Variants in CSMD1 observed in about 807,000 individuals in gnomAD.
The protein encoded by CSMD1 is CUB and Sushi multiple domains 1, also known as CUB and sushi domain-containing protein 1.
Under a neutral mutation model 417.5 loss-of-function variants are expected in CSMD1, and 213 were observed. The ratio of observed to expected loss-of-function variants is 0.51; its 90% CI spans 0.46 to 0.57. The LOEUF is 0.57. Ranked by LOEUF, CSMD1 falls within the 20% of genes least tolerant of loss-of-function variation. The pLI is 0.00. For missense variants in CSMD1, 6,923 were observed against 4,529.7 expected, an observed-to-expected ratio of 1.53 and a Z score of -15.17; for synonymous variants, 2,862 against 1,736.8, an observed-to-expected ratio of 1.65 and a Z score of -16.11.
chr8:4,304,090 G>C (rs1478683091), intron 3 of CSMD1, among the ~76,000 whole-genome samples: 1 of 152,204 alleles, frequency 6.6e-6, no homozygotes, highest in East Asian at 1.9e-4. Flanking sequence ...AAATACCATT[G>C]TGTTGTCTTA....
intron 4 of CSMD1, among the ~76,000 whole-genome samples, chr8:4,022,656 G>C (rs1407489493): frequency 6.6e-6 from 1 of 152,144 alleles, no homozygotes; most frequent in Non-Finnish European, 1.5e-5. Flanking sequence ...AGCGCTCAGG[G>C]AGAGAAATGT....
chr8:3,904,596 T>C lies in CSMD1; in HGVS notation c.818+93307A>G, dbSNP rs533752021. Reference sequence around the variant, plus strand: ...TGGGAATTAAATTATCTCAAATATATTTTTTATTTCCTTTTTCTCTTTCTT... The same window carrying C: ...TGGGAATTAAATTATCTCAAATATACTTTTTATTTCCTTTTTCTCTTTCTT... On this transcript the variant is annotated intron_variant, in intron 5 of 69. Transcript: ENST00000635120. 2.0e-5 allele frequency among the ~76,000 whole-genome samples: 3 copies of C among 152,106 alleles called. No homozygotes were observed. The South Asian group carries it at 6.2e-4, about 32-fold the overall frequency.
chr8:3,535,593 ATAACT>A (rs899928502), intron 10 of CSMD1, among the ~76,000 whole-genome samples: 1 of 152,154 alleles, frequency 6.6e-6, no homozygotes, highest in Non-Finnish European at 1.5e-5. Flanking sequence ...TTAATGAGAA[ATAACT>A]TAATGGGTAT....
chr8:4,520,130 A>C (rs1803359346), intron 2 of CSMD1, among the ~76,000 whole-genome samples: 2 of 152,184 alleles, frequency 1.3e-5, no homozygotes, highest in Non-Finnish European at 2.9e-5. Flanking sequence ...CATTCATCTG[A>C]AAGAGCAAAG....
At chr8:4,842,703 G>T (rs1228525272) in intron 1 of CSMD1, among the ~76,000 whole-genome samples, 1 of 152,202 alleles carries the variant, frequency 6.6e-6, no homozygotes, top group Non-Finnish European at 1.5e-5. Flanking sequence ...ATTATTATGA[G>T]CTAGATGCTA....
intron 3 of CSMD1, among the ~76,000 whole-genome samples, chr8:4,284,367 C>A (rs1049202203): frequency 2.2e-5 from 3 of 137,194 alleles, no homozygotes; most frequent in African/African-American, 5.3e-5. Context: ...AAACTACAAC[C>A]CCCCCCACCC....
intron 5 of CSMD1, among the ~76,000 whole-genome samples, chr8:3,804,853 C>A (rs1800641053): frequency 6.6e-6 from 1 of 152,104 alleles, no homozygotes; most frequent in South Asian, 2.1e-4. Flanking sequence ...GGTAGGTTTT[C>A]TTTCCTGTTA....
intron 3 of CSMD1, among the ~76,000 whole-genome samples, chr8:4,312,793 G>A (rs899492265): frequency 6.6e-6 from 1 of 152,132 alleles, no homozygotes; most frequent in South Asian, 2.1e-4. Context: ...ATAATTGCTT[G>A]AACCAGGGTG....
At chr8:3,002,190 G>T (rs560294830) in intron 52 of CSMD1, among the ~76,000 whole-genome samples, 2 of 152,296 alleles carry the variant, frequency 1.3e-5, no homozygotes, top group African/African-American at 4.8e-5. Context: ...AGCGGAGAAC[G>T]TCGATGAGGG....
intron 3 of CSMD1, among the ~76,000 whole-genome samples, chr8:4,309,796 C>T (rs745321575): frequency 2.0e-5 from 3 of 152,142 alleles, no homozygotes; most frequent in Non-Finnish European, 4.4e-5. Flanking sequence ...AACCTCACCT[C>T]CATATAGGTC....
intron 1 of CSMD1, among the ~76,000 whole-genome samples, chr8:4,780,318 T>G (rs576712017): frequency 6.6e-6 from 1 of 152,232 alleles, no homozygotes; most frequent in African/African-American, 2.4e-5. Context: ...AATGGGGCTT[T>G]GGCTCTACTG....
chr8:4,479,833 G>C (rs117326318), intron 2 of CSMD1, among the ~76,000 whole-genome samples: 10,427 of 151,824 alleles, frequency 0.069, 472 homozygotes, highest in Non-Finnish European at 0.099. Context: ...GCGTGGTGGC[G>C]CCCACTCCTT....
intron 49 of CSMD1, among the ~76,000 whole-genome samples, chr8:3,083,636 ATATATATATATATTTTTTTTTTT>A: frequency 3.7e-4 from 8 of 21,514 alleles, no homozygotes; most frequent in Non-Finnish European, 5.7e-4. Flanking sequence ...ATATATATAT[ATATATATATATATTTTTTTTTTT>A]TTTTTTTTTT....
At chr8:4,648,303 G>A (rs372959493) in intron 1 of CSMD1, among the ~76,000 whole-genome samples, 1 of 151,918 alleles carries the variant, frequency 6.6e-6, no homozygotes, top group South Asian at 2.1e-4. Context: ...TGTTTATCTT[G>A]TTCCTGCTTC....
intron 1 of CSMD1, among the ~76,000 whole-genome samples, chr8:4,843,202 G>C (rs1431929794): frequency 6.6e-6 from 1 of 152,126 alleles, no homozygotes; most frequent in Non-Finnish European, 1.5e-5. Context: ...ATTGATTATA[G>C]ATGGAACAGG....
rs778156673 is a variant in CSMD1 at position 2,962,655 on chromosome 8, A to G, written c.9455-16T>C. Reference sequence around the variant, plus strand: ...CAGAACACAGCTATGGAAGATAACCAGGAAGAAGTCAGCCTTCAACGTCCC... The same window carrying G: ...CAGAACACAGCTATGGAAGATAACCGGGAAGAAGTCAGCCTTCAACGTCCC... On this transcript the variant is annotated splice_polypyrimidine_tract_variant and intron_variant, in intron 60 of 69. Coordinates refer to ENST00000635120, the MANE Select transcript of CSMD1 (RefSeq NM_033225.6). 33 of 1,610,756 alleles carry G rather than the reference A, an allele frequency of 2.0e-5. No homozygotes were observed. The African/African-American group carries it at 3.5e-4, about 17-fold the overall frequency.
intron 3 of CSMD1, among the ~76,000 whole-genome samples, chr8:4,275,443 G>C (rs1479727162): frequency 1.3e-5 from 2 of 152,004 alleles, no homozygotes; most frequent in Admixed American, 6.6e-5. Context: ...ATGATACTAT[G>C]GCCTTTATTT....
At chr8:4,322,863 T>C (rs1799346573) in intron 3 of CSMD1, among the ~76,000 whole-genome samples, 1 of 152,138 alleles carries the variant, frequency 6.6e-6, no homozygotes, top group Non-Finnish European at 1.5e-5. Flanking sequence ...CAGGCTTTTG[T>C]AGTCCCAGCT....
intron 8 of CSMD1, among the ~76,000 whole-genome samples, chr8:3,600,534 G>C (rs949753835): frequency 6.6e-6 from 1 of 152,200 alleles, no homozygotes; most frequent in Non-Finnish European, 1.5e-5. Context: ...ACTATGAAAT[G>C]TCATCCTGGG....
Sources: gnomAD v4.1 joint callset for allele counts (sites outside exome capture counted in the v4.1 genomes callset) on GRCh38, gnomAD v4.1.1 for gene constraint, MANE v1.5 for transcripts, NCBI Gene and HGNC (gene_info 2026-07-23, HGNC 2026-07-21) for gene names.